Variants in RFX6 observed in about 807,000 individuals in gnomAD.
RFX6 encodes the protein regulatory factor X6.
In RFX6, 50 loss-of-function variants were observed where a neutral mutation model predicts 110.8. The observed-to-expected ratio is 0.45, with a 90% CI of 0.36 to 0.57. The LOEUF (loss-of-function observed/expected upper bound fraction) is 0.57, where lower values mean the gene tolerates loss of function less well. Ranked by LOEUF, RFX6 falls within the 20% of genes least tolerant of loss-of-function variation. The pLI is 0.00. For synonymous variants in RFX6, 383 were observed against 411.2 expected (o/e 0.93, Z 0.83); for missense variants, 990 against 1,127.0 (o/e 0.88, Z 1.74).
intron 18 of RFX6, among the ~76,000 whole-genome samples, chr6:116,930,763 C>T (rs1775866617): frequency 6.6e-6 from 1 of 152,044 alleles, no homozygotes; most frequent in South Asian, 2.1e-4. Context: ...GCCAGTGTGT[C>T]TTAAGCATGT....
Position 116,922,093 on chromosome 6 carries a change from C to A in RFX6, c.1379C>A (p.Ala460Asp). Residue 460 changes from alanine (A) to aspartate (D), a missense_variant, in exon 13 of 19, where the codon GCC becomes GAC. Ala to Asp is a moderately radical substitution (Grantham distance 126, BLOSUM62 -2). Coordinates refer to ENST00000332958, the MANE Select transcript of RFX6 (RefSeq NM_173560.4). Reference sequence around the variant, plus strand: ...CTGAAGGATCTCCTTAAGAAGAATGCCACTGTGGAGGCTTTTATTGAATGG... The same window carrying A: ...CTGAAGGATCTCCTTAAGAAGAATGACACTGTGGAGGCTTTTATTGAATGG... The part of the protein sequence containing the change: ...QELKDLLKKN[A>D]TVEAFIEWLD... 1 of 1,570,770 alleles carries A rather than the reference C, an allele frequency of 6.4e-7. No homozygotes were observed. The highest frequency in any genetic ancestry group is 8.8e-7 in the Non-Finnish European group (1 of 1,141,878).
Position 116,877,841 on chromosome 6 carries a change from C to A in RFX6, c.269C>A (p.Ala90Asp). ...AACTTTTCCTCTGAAGAAGAGGACG[C>A]CGACAACCACGACAGCAAAACCAAA... Reference protein sequence around the residue: ...NGNFSSEEEDADNHDSKTKAA... With the variant: ...NGNFSSEEEDDDNHDSKTKAA... The change falls in exon 2 of 19, where the codon GCC becomes GAC. Residue 90 changes from alanine to aspartate, a missense_variant. By Grantham distance (126) the Ala-to-Asp change is moderately radical. Transcript: ENST00000332958. 6.2e-7 allele frequency: 1 copy of A among 1,614,046 alleles called. No individual in the cohort carries two copies. Among genetic ancestry groups the A allele is most frequent in the East Asian group, 2.2e-5 (1 of 44,870 alleles).
chr6:116,897,648 G>C (rs1478290998), intron 6 of RFX6, among the ~76,000 whole-genome samples: 1 of 152,126 alleles, frequency 6.6e-6, no homozygotes, highest in Non-Finnish European at 1.5e-5. Context: ...CATTAGAAGA[G>C]TGTAAGGCAG....
In RFX6 at chr6:116,927,186, C is replaced by T; in HGVS notation, c.2045C>T (p.Pro682Leu). The T allele has an allele frequency of 1.2e-6, 2 of 1,614,150 alleles. No individual in the cohort carries two copies. The highest frequency in any genetic ancestry group is 1.7e-6 in the Non-Finnish European group (2 of 1,180,020). ...LSAPSHCSTY[P>L]EPIYPTLPQA... ...GCTCCATCACACTGCTCCACATACC[C>T]AGAGCCCATTTATCCCACTCTCCCT... The change falls in exon 17 of 19, where the codon CCA becomes CTA. Residue 682 changes from proline (P) to leucine (L), a missense_variant. Pro to Leu is a moderately conservative substitution (Grantham distance 98). Coordinates refer to ENST00000332958, the MANE Select transcript of RFX6 (RefSeq NM_173560.4).
intron 18 of RFX6, among the ~76,000 whole-genome samples, chr6:116,930,887 C>T (rs565165641): frequency 2.2e-4 from 33 of 152,068 alleles, no homozygotes; most frequent in Non-Finnish European, 4.0e-4. Context: ...GCATTTGAGA[C>T]GAGTGAAAGT....
At chr6:116,903,628 T>C (rs957012300) in intron 6 of RFX6, among the ~76,000 whole-genome samples, 1 of 152,010 alleles carries the variant, frequency 6.6e-6, no homozygotes, top group African/African-American at 2.4e-5. Flanking sequence ...CTGTAAAGTT[T>C]GCCACTTACA....
At chr6:116,910,137 A>C (rs926207521) in intron 6 of RFX6, among the ~76,000 whole-genome samples, 4 of 152,134 alleles carry the variant, frequency 2.6e-5, no homozygotes, top group African/African-American at 9.7e-5. Context: ...TCATAATTTC[A>C]TTATTTCCCC....
chr6:116,888,158 T>C (rs1774739863), intron 4 of RFX6, among the ~76,000 whole-genome samples: 1 of 152,176 alleles, frequency 6.6e-6, no homozygotes, highest in African/African-American at 2.4e-5. Flanking sequence ...TAAACTAACA[T>C]CAGGGCTACT....
intron 6 of RFX6, among the ~76,000 whole-genome samples, chr6:116,901,508 C>A (rs1210241828): frequency 6.6e-6 from 1 of 152,034 alleles, no homozygotes; most frequent in African/African-American, 2.4e-5. Flanking sequence ...AAAAGACAAC[C>A]CAACAGAATT....
chr6:116,888,960 A>C (rs1008617265), intron 4 of RFX6, among the ~76,000 whole-genome samples: 1 of 152,022 alleles, frequency 6.6e-6, no homozygotes, highest in Non-Finnish European at 1.5e-5. Context: ...GTTCTCAGAG[A>C]CTCTAAATCA....
At chr6:116,919,632 TA>T (rs1775549277) in intron 11 of RFX6, among the ~76,000 whole-genome samples, 1 of 152,204 alleles carries the variant, frequency 6.6e-6, no homozygotes, top group Non-Finnish European at 1.5e-5. Flanking sequence ...ATTGGAAATT[TA>T]AAAAACTTGA....
intron 12 of RFX6, 49 bp downstream of exon 12, chr6:116,920,503 T>C (rs1362920835): frequency 8.6e-6 from 13 of 1,515,656 alleles, no homozygotes; most frequent in East Asian, 4.5e-5. Context: ...GCTCAGAAAA[T>C]TGACATCTTG....
At position 116,928,923 on chromosome 6, in the gene RFX6, T is replaced by G; in HGVS notation, c.2563T>G (p.Phe855Val). ...CAGTGGTAGAAAACAGACCAGCTCG[T>G]TTTACACAGACACATCATCTCCAGT... ...DDSGRKQTSS[F>V]YTDTSSPVAC... is the part of the protein sequence containing the mutation. The change falls in exon 18 of 19, where the codon TTT becomes GTT. Residue 855 changes from phenylalanine (F) to valine (V), a missense_variant. Transcript: ENST00000332958. The G allele has an allele frequency of 1.2e-6, 2 of 1,613,742 alleles. No homozygotes were observed. The highest frequency in any genetic ancestry group is 1.7e-6 in the Non-Finnish European group (2 of 1,179,632).
At chr6:116,879,102 G>A (rs751497550) in intron 2 of RFX6, among the ~76,000 whole-genome samples, 1 of 151,744 alleles carries the variant, frequency 6.6e-6, no homozygotes, top group Non-Finnish European at 1.5e-5. Context: ...GAGCTGTTTC[G>A]AATGATTACT....
chr6:116,895,243 A>G (rs367608818), intron 6 of RFX6, 36 bp downstream of exon 6: 36 of 1,171,930 alleles, frequency 3.1e-5, no homozygotes, highest in Non-Finnish European at 4.1e-5. Flanking sequence ...TACATCTGCT[A>G]TAATATGTCT....
chr6:116,896,979 A>G (rs1284254039), intron 6 of RFX6, among the ~76,000 whole-genome samples: 1 of 152,148 alleles, frequency 6.6e-6, no homozygotes, highest in African/African-American at 2.4e-5. Context: ...ATGGTGAATG[A>G]AGAGATTTGG....
intron 17 of RFX6, 50 bp downstream of exon 17, chr6:116,927,589 C>T: frequency 2.1e-6 from 3 of 1,457,306 alleles, no homozygotes; most frequent in Non-Finnish European, 2.9e-6. Context: ...GGCAATGAGG[C>T]AAAATCAGAC....
At chr6:116,916,338 A>G in intron 9 of RFX6, 24 bp downstream of exon 9, 1 of 1,318,032 alleles carries the variant, frequency 7.6e-7, no homozygotes, top group Non-Finnish European at 1.1e-6. Context: ...GATGTCTTAA[A>G]CATGAGCCAT....
chr6:116,891,141 A>T (rs1774822857), intron 4 of RFX6, among the ~76,000 whole-genome samples: 1 of 152,192 alleles, frequency 6.6e-6, no homozygotes, highest in Non-Finnish European at 1.5e-5. Context: ...AAGGCCATAG[A>T]CTATGGAGGA....
Sources: gnomAD v4.1 joint callset for allele counts (sites outside exome capture counted in the v4.1 genomes callset) on GRCh38, gnomAD v4.1.1 for gene constraint, MANE v1.5 for transcripts, NCBI Gene and HGNC (gene_info 2026-07-23, HGNC 2026-07-21) for gene names.